DNAJC1: variants seen among roughly 807,000 people sequenced by gnomAD.
DNAJC1 encodes DnaJ heat shock protein family (Hsp40) member C1, also known as dnaJ homolog subfamily C member 1.
In DNAJC1, 58 loss-of-function variants were observed where a neutral mutation model predicts 76.6. That is an observed-to-expected ratio of 0.76 (90% CI 0.61 to 0.94). The LOEUF (loss-of-function observed/expected upper bound fraction) is 0.94. Ranked by LOEUF, DNAJC1 falls within the 40% of genes least tolerant of loss-of-function variation. The pLI is 0.00. For synonymous variants in DNAJC1, 258 were observed against 267.9 expected, an observed-to-expected ratio of 0.96 and a Z score of 0.36; for missense variants, 689 against 677.3, an observed-to-expected ratio of 1.02 and a Z score of -0.19.
At chr10:21,789,150 T>C (rs1368084251) in intron 9 of DNAJC1, among the ~76,000 whole-genome samples, 3 of 152,100 alleles carry the variant, frequency 2.0e-5, no homozygotes, top group Non-Finnish European at 2.9e-5. Flanking sequence ...CGTGGGGAAG[T>C]TGAGAAAAGG....
chr10:21,876,789 G>A (rs1323361746), intron 8 of DNAJC1, among the ~76,000 whole-genome samples: 1 of 152,172 alleles, frequency 6.6e-6, no homozygotes, highest in Non-Finnish European at 1.5e-5. Flanking sequence ...TTGTAGAGCT[G>A]TAGGAAGCAA....
rs34817098 is a variant in DNAJC1 at position 21,962,459 on chromosome 10, C to CTTTTTTTTTT, written c.223-33328_223-33319dup. ...GCAATTAAAACTTGCTATTTTATTG[C>CTTTTTTTTTT]TTTTTTTTTTTTTTTTTTTTTTTGA... On this transcript the variant is annotated intron_variant, in intron 1 of 11. Coordinates refer to ENST00000376980, the MANE Select transcript of DNAJC1 (RefSeq NM_022365.4). 3.5e-4 allele frequency among the ~76,000 whole-genome samples: 14 copies of CTTTTTTTTTT among 39,908 alleles called. 2 individuals are homozygous for CTTTTTTTTTT. Among genetic ancestry groups the CTTTTTTTTTT allele is most frequent in the African/African-American group, 6.4e-4 (5 of 7,844 alleles). 26.2% of individuals were successfully genotyped at this position (39,908 alleles called of 152,430 possible). A position where few individuals can be genotyped will look rare whatever the true frequency, so the allele number is the denominator to read the frequency against.
At chr10:21,797,107 A>G (rs529936613) in intron 9 of DNAJC1, among the ~76,000 whole-genome samples, 5 of 152,208 alleles carry the variant, frequency 3.3e-5, no homozygotes, top group African/African-American at 9.6e-5. Flanking sequence ...TTAATCCATT[A>G]AAAAAATTTT....
In DNAJC1 at chr10:21,951,286, C is replaced by T. The variant is rs183290084; in HGVS notation, c.223-22145G>A. Among the ~76,000 whole-genome samples, 1,143 of 151,824 alleles carry T rather than the reference C, an allele frequency of 7.5e-3. 7 individuals are homozygous for T. Among genetic ancestry groups the T allele is most frequent in the Non-Finnish European group, 0.013 (860 of 67,968 alleles). On this transcript the variant is annotated intron_variant, in intron 1 of 11. Coordinates refer to ENST00000376980, the MANE Select transcript of DNAJC1 (RefSeq NM_022365.4). ...AGTGAGCTGAGATCATGCCACTGCACTCCAGCCTGGGTGACAGAGCGAGAT... is the reference window on the plus strand; with the variant it reads ...AGTGAGCTGAGATCATGCCACTGCATTCCAGCCTGGGTGACAGAGCGAGAT...
intron 8 of DNAJC1, among the ~76,000 whole-genome samples, chr10:21,855,685 T>A (rs1385293917): frequency 6.6e-6 from 1 of 152,096 alleles, no homozygotes; most frequent in East Asian, 1.9e-4. Context: ...AAAAGAAAAC[T>A]CTGTTCTTAA....
At chr10:21,913,370 A>G (rs967426800) in intron 6 of DNAJC1, among the ~76,000 whole-genome samples, 2 of 152,178 alleles carry the variant, frequency 1.3e-5, no homozygotes, top group African/African-American at 4.8e-5. Flanking sequence ...TTGATCTCAG[A>G]AAATGCAGAG....
intron 9 of DNAJC1, among the ~76,000 whole-genome samples, chr10:21,792,376 ACCCTGATAT>A (rs1022516312): frequency 6.6e-6 from 1 of 152,196 alleles, no homozygotes; most frequent in Non-Finnish European, 1.5e-5. Flanking sequence ...GGCTAGCATT[ACCCTGATAT>A]CAAAGCCAGA....
intron 1 of DNAJC1, among the ~76,000 whole-genome samples, chr10:21,959,828 C>A (rs907153842): frequency 6.7e-6 from 1 of 150,334 alleles, no homozygotes; most frequent in Non-Finnish European, 1.5e-5. Flanking sequence ...GAGAGAAATC[C>A]ATTTTATACA....
intron 1 of DNAJC1, among the ~76,000 whole-genome samples, chr10:21,979,590 A>C (rs1838119745): frequency 6.6e-6 from 1 of 152,066 alleles, no homozygotes; most frequent in South Asian, 2.1e-4. Flanking sequence ...ATGAAGCCAT[A>C]TATGGTTTTA....
intron 7 of DNAJC1, among the ~76,000 whole-genome samples, chr10:21,904,150 G>T (rs1836704834): frequency 6.6e-6 from 1 of 152,090 alleles, no homozygotes; most frequent in South Asian, 2.1e-4. Context: ...GTATTTTCAG[G>T]TTTCCTAACT....
rs560736639 is a variant in DNAJC1, at chr10:21,761,358, G to A, written c.1148-1740C>T. 1.4e-4 allele frequency among the ~76,000 whole-genome samples: 22 copies of A among 152,126 alleles called. No individual in the cohort carries two copies. The South Asian group carries it at 2.3e-3, about 16-fold the overall frequency. On this transcript the variant is annotated intron_variant, in intron 10 of 11. Transcript: ENST00000376980. ...GGGGATCCCCTGAGGTCAGGAGTTC[G>A]AGACCAGCCTGGCCAACATGGTGAA...
At chr10:21,963,015 G>C (rs921699364) in intron 1 of DNAJC1, among the ~76,000 whole-genome samples, 1 of 152,100 alleles carries the variant, frequency 6.6e-6, no homozygotes, top group African/African-American at 2.4e-5. Context: ...ACAATCAGTT[G>C]GTTGAAAGAC....
chr10:21,767,889 G>T (rs1834319569), intron 9 of DNAJC1, among the ~76,000 whole-genome samples: 1 of 152,072 alleles, frequency 6.6e-6, no homozygotes, highest in East Asian at 1.9e-4. Context: ...CAGCTATTTG[G>T]GAGGCTGAGG....
At chr10:21,904,250 T>C (rs1198527788) in intron 7 of DNAJC1, among the ~76,000 whole-genome samples, 1 of 152,176 alleles carries the variant, frequency 6.6e-6, no homozygotes, top group East Asian at 1.9e-4. Context: ...TTTTAGGGCT[T>C]TGCAGACTTT....
rs779785508 is a variant in DNAJC1, at chr10:21,872,936, G to A, written c.978+9346C>T. Among the ~76,000 whole-genome samples the A allele has an allele frequency of 7.6e-4, 116 of 152,210 alleles. 1 individual carries two copies. The highest frequency in any genetic ancestry group is 7.5e-3 in the Admixed American group (114 of 15,274). On this transcript the variant is annotated intron_variant, in intron 8 of 11. Coordinates refer to ENST00000376980, the MANE Select transcript of DNAJC1 (RefSeq NM_022365.4). The stretch of plus-strand genomic sequence containing the variant: ...CTAAAAGGCAGAAATGAAATCCACA[G>A]GCAGACAGCCCGGCGCCGTGCCCTG...
chr10:21,942,160 G>A (rs1430939252), intron 1 of DNAJC1, among the ~76,000 whole-genome samples: 1 of 151,932 alleles, frequency 6.6e-6, no homozygotes, highest in Non-Finnish European at 1.5e-5. Context: ...AAAAACAGAC[G>A]CAAACAAAAG....
rs966339500 is a variant in DNAJC1, at chr10:21,905,704, T to C, written c.730-1092A>G. Among the ~76,000 whole-genome samples, 13 of 152,294 alleles carry C rather than the reference T, an allele frequency of 8.5e-5. No homozygotes were observed. In the East Asian group the frequency reaches 2.3e-3, roughly 27 times the overall value. ...ATACTTACATGCCCAGAGCACAGTA[T>C]CTGCCATAAAGCAGGTACTCAATAA... On this transcript the variant is annotated intron_variant, in intron 6 of 11. Transcript: ENST00000376980.
chr10:21,858,513 G>T (rs1030059013), intron 8 of DNAJC1, among the ~76,000 whole-genome samples: 1 of 152,182 alleles, frequency 6.6e-6, no homozygotes, highest in Non-Finnish European at 1.5e-5. Flanking sequence ...AGGTTTCATG[G>T]AAGAAAATAC....
intron 8 of DNAJC1, among the ~76,000 whole-genome samples, chr10:21,843,407 T>G (rs1794355498): frequency 6.6e-6 from 1 of 150,770 alleles, no homozygotes; most frequent in Admixed American, 6.6e-5. Flanking sequence ...TTTTTTTTTT[T>G]TTTTGAGACA....
Sources: gnomAD v4.1 joint callset for allele counts (sites outside exome capture counted in the v4.1 genomes callset) on GRCh38, gnomAD v4.1.1 for gene constraint, MANE v1.5 for transcripts, NCBI Gene and HGNC (gene_info 2026-07-23, HGNC 2026-07-21) for gene names.